Variants in GFI1B observed in about 807,000 individuals in gnomAD.
GFI1B encodes the protein growth factor independent 1B transcriptional repressor.
In GFI1B, 20 loss-of-function variants were observed where a neutral mutation model predicts 35.3. The ratio of observed to expected loss-of-function variants is 0.57; its 90% CI spans 0.40 to 0.82. The LOEUF (loss-of-function observed/expected upper bound fraction) is 0.82, where lower values mean the gene tolerates loss of function less well. GFI1B is among the 40% of genes least tolerant of loss of function. GFI1B has a pLI of 0.00. For synonymous variants in GFI1B, 178 were observed against 177.6 expected (o/e 1.00, Z -0.02); for missense variants, 430 against 446.3 (o/e 0.96, Z 0.33).
At chr9:132,970,966 C>T (rs904279945) in intron 1 of GFI1B, among the ~76,000 whole-genome samples, 3 of 152,186 alleles carry the variant, frequency 2.0e-5, no homozygotes, top group African/African-American at 7.2e-5. Context: ...CCTAACCCTG[C>T]CGCAACTAAG....
At chr9:132,963,622 G>A (rs985725929) in intron 1 of GFI1B, 4 of 151,978 alleles carry the variant, frequency 2.6e-5, no homozygotes, top group African/African-American at 9.7e-5. Context: ...CAAAGTGCTA[G>A]GATTACAGGT....
chr9:132,986,534 A>C (rs1294280297), intron 1 of GFI1B, 125 bp from the exon 2 acceptor site: 1 of 693,796 alleles, frequency 1.4e-6, no homozygotes, highest in Non-Finnish European at 2.7e-6. Flanking sequence ...CTGGGTGGAC[A>C]TGAACTTTGG....
At chr9:132,957,784 G>A (rs1848303565) in intron 1 of GFI1B, among the ~76,000 whole-genome samples, 1 of 152,134 alleles carries the variant, frequency 6.6e-6, no homozygotes, top group African/African-American at 2.4e-5. Context: ...ACAAGAATGA[G>A]AAAGGCAGGA....
chr9:132,954,591 A>T lies in GFI1B; in HGVS notation c.-701+8922A>T, dbSNP rs535893026. Among the ~76,000 whole-genome samples, 4 of 139,864 alleles carry T rather than the reference A, an allele frequency of 2.9e-5. No homozygotes were observed. The East Asian group carries it at 7.9e-4, about 28-fold the overall frequency. 91.8% of individuals were successfully genotyped at this position (139,864 alleles called of 152,430 possible). On this transcript the variant is annotated intron_variant, in intron 1 of 10. Transcript: ENST00000339463. ...CTCTGTCTCAAAAAAAAAAAAAAAG[A>T]AAAGAAAAAGAAAAGAAACAGGGTT...
At chr9:132,976,824 C>T (rs1277653903), upstream of GFI1B, among the ~76,000 whole-genome samples, 1 of 152,112 alleles carries the variant, frequency 6.6e-6, no homozygotes, top group Non-Finnish European at 1.5e-5. Context: ...CGCCTGTAGT[C>T]CCAGCCACTC....
At position 132,986,725 on chromosome 9, in the gene GFI1B, A is replaced by G; in HGVS notation, c.47A>G (p.His16Arg). ...LVKSKKAHTY[H>R]QPRVQEDEPL... ...AAGAGCAAGAAGGCTCACACCTACCACCAGCCCCGTGTGCAGGAAGATGAA... is the reference window on the plus strand; with the variant it reads ...AAGAGCAAGAAGGCTCACACCTACCGCCAGCCCCGTGTGCAGGAAGATGAA... Residue 16 changes from histidine (H) to arginine (R), a missense_variant, in exon 2 of 7, where the codon CAC becomes CGC. His to Arg is a conservative substitution (Grantham distance 29, BLOSUM62 0). Coordinates refer to ENST00000372122, the MANE Select transcript of GFI1B (RefSeq NM_001377304.1). 6.2e-7 allele frequency: 1 copy of G among 1,613,038 alleles called. No individual in the cohort carries two copies. The highest frequency in any genetic ancestry group is 1.1e-5 in the South Asian group (1 of 90,774).
At position 132,986,719 on chromosome 9, in the gene GFI1B, C is replaced by A. The variant is rs1564177115; in HGVS notation, c.41C>A (p.Thr14Asn). The change falls in exon 2 of 7, where the codon ACC becomes AAC. Residue 14 changes from threonine to asparagine, a missense_variant. By Grantham distance (65) the Thr-to-Asn change is moderately conservative. Coordinates refer to ENST00000372122, the MANE Select transcript of GFI1B (RefSeq NM_001377304.1). Reference sequence around the variant, plus strand: ...CTGGTGAAGAGCAAGAAGGCTCACACCTACCACCAGCCCCGTGTGCAGGAA... The same window carrying A: ...CTGGTGAAGAGCAAGAAGGCTCACAACTACCACCAGCCCCGTGTGCAGGAA... ...SFLVKSKKAH[T>N]YHQPRVQEDE... is the part of the protein sequence containing the mutation. 3 of 1,613,010 alleles carry A rather than the reference C, an allele frequency of 1.9e-6. No individual in the cohort carries two copies. Among genetic ancestry groups the A allele is most frequent in the African/African-American group, 1.3e-5 (1 of 75,042 alleles).
intron 1 of GFI1B, among the ~76,000 whole-genome samples, chr9:132,960,308 A>C (rs532027090): frequency 7.6e-4 from 116 of 152,266 alleles, no homozygotes; most frequent in African/African-American, 2.7e-3. Context: ...TTGCTTTATA[A>C]ATGGTCAGGT....
chr9:132,965,978 G>A (rs775854443), intron 1 of GFI1B, among the ~76,000 whole-genome samples: 22 of 152,164 alleles, frequency 1.4e-4, no homozygotes, highest in Non-Finnish European at 2.5e-4. Flanking sequence ...TCCTACACAT[G>A]TATCCTGGAA....
In GFI1B at chr9:132,989,604, T is replaced by G. The variant is rs558053261; in HGVS notation, c.649-138T>G. 2 of 649,022 alleles carry G rather than the reference T, an allele frequency of 3.1e-6. No homozygotes were observed. The highest frequency in any genetic ancestry group is 3.6e-5 in the African/African-American group (2 of 55,204). 40.2% of individuals were successfully genotyped at this position (649,022 alleles called of 1,614,324 possible). On this transcript the variant is annotated intron_variant, in intron 5 of 6. Transcript: ENST00000372122. The surrounding 1 kb of genome is among the most constrained non-coding windows in gnomAD (Gnocchi z 6.2). ...TGAGACTCCAAGCCCCAGTTTCACC[T>G]CAGAGGCAGAGATGAGGGGTCCCCC...
chr9:132,978,167 G>A (rs1050062273), upstream of GFI1B, among the ~76,000 whole-genome samples: 1 of 150,264 alleles, frequency 6.7e-6, no homozygotes, highest in Non-Finnish European at 1.5e-5. Context: ...AAGGAGGGAA[G>A]AGAGAGAGAG....
At chr9:132,971,340 C>A (rs961897113) in intron 1 of GFI1B, among the ~76,000 whole-genome samples, 1 of 152,182 alleles carries the variant, frequency 6.6e-6, no homozygotes, top group South Asian at 2.1e-4. Flanking sequence ...GTGTCCCCCC[C>A]ACACTCCTTC....
chr9:132,982,607 G>A (rs1213125048), intron 1 of GFI1B, among the ~76,000 whole-genome samples: 1 of 152,172 alleles, frequency 6.6e-6, no homozygotes, highest in Non-Finnish European at 1.5e-5. Context: ...CATAATCTCT[G>A]CTCTTAGCTC....
At chr9:132,990,677 G>A (rs1849263481) in intron 6 of GFI1B, among the ~76,000 whole-genome samples, 195 bp from the exon 7 acceptor site, 1 of 152,258 alleles carries the variant, frequency 6.6e-6, no homozygotes, top group African/African-American at 2.4e-5. Context: ...AATCCAGTAG[G>A]GGTGGAGGAG....
intron 2 of GFI1B, among the ~76,000 whole-genome samples, chr9:132,973,515 C>A (rs1564528532): frequency 6.6e-6 from 1 of 152,184 alleles, no homozygotes; most frequent in Non-Finnish European, 1.5e-5. Flanking sequence ...GCAAGTGAGG[C>A]CCCATGAGTA....
At chr9:132,959,830 T>TC (rs1233219327) in intron 1 of GFI1B, among the ~76,000 whole-genome samples, 10 of 152,202 alleles carry the variant, frequency 6.6e-5, no homozygotes, top group African/African-American at 1.9e-4. Flanking sequence ...CATGCAGGCT[T>TC]CTCCTCTGTG....
intron 1 of GFI1B, among the ~76,000 whole-genome samples, chr9:132,969,496 G>A (rs1177777266): frequency 6.6e-6 from 1 of 152,128 alleles, no homozygotes; most frequent in Non-Finnish European, 1.5e-5. Context: ...ATAATACTCC[G>A]TCGTATGGAC....
At chr9:132,955,804 GTGCA>G (rs1170067384) in intron 1 of GFI1B, among the ~76,000 whole-genome samples, 6 of 129,580 alleles carry the variant, frequency 4.6e-5, no homozygotes, top group South Asian at 2.9e-4. Flanking sequence ...GTGTGTGTGT[GTGCA>G]TGTGTGTGTG....
intron 1 of GFI1B, among the ~76,000 whole-genome samples, chr9:132,948,275 G>A (rs1015087303): frequency 6.6e-6 from 1 of 151,980 alleles, no homozygotes; most frequent in Non-Finnish European, 1.5e-5. Flanking sequence ...CCCTTCCCCC[G>A]TCCTACAGCA....
Sources: gnomAD v4.1 joint callset for allele counts (sites outside exome capture counted in the v4.1 genomes callset) on GRCh38, gnomAD v4.1.1 for gene constraint, Gnocchi (gnomAD v3.1) non-coding constraint, MANE v1.5 for transcripts, NCBI Gene and HGNC (gene_info 2026-07-23, HGNC 2026-07-21) for gene names.